Variants in ZFP92 observed in about 807,000 individuals in gnomAD.
The protein encoded by ZFP92 is ZFP92 zinc finger protein.
A neutral mutation model predicts 7.6 loss-of-function variants in ZFP92; 2 were observed. That is an observed-to-expected ratio of 0.26 (90% CI 0.11 to 0.83). The LOEUF is 0.83. Among genes scored for constraint, ZFP92 ranks in the 40% least tolerant of loss-of-function variants. The pLI, the probability that ZFP92 is intolerant of heterozygous loss-of-function variation, is 0.65. For synonymous variants in ZFP92, 226 were observed against 183.6 expected (o/e 1.23, Z -1.87); for missense variants, 324 against 408.3 (o/e 0.79, Z 1.78).
intron 2 of ZFP92, among the ~76,000 whole-genome samples, chrX:153,416,610 C>A (rs1220499926): frequency 9.0e-6 from 1 of 111,626 alleles, no homozygotes; most frequent in Non-Finnish European, 1.9e-5. Flanking sequence ...AGCTTGGAGA[C>A]CAACAAAATG....
rs1364003649 is a variant in ZFP92, at chrX:153,411,717, G to A, written c.-68+14G>A. Among the ~76,000 whole-genome samples the A allele has an allele frequency of 8.8e-6, 1 of 113,112 alleles. No individual in the cohort carries two copies. The highest frequency in any genetic ancestry group is 3.2e-5 in the African/African-American group (1 of 31,195). Reference sequence around the variant, plus strand: ...CGCCGAGCCCAGGTAAGAGGGCCGAGCTGGGCCGCAGGGGTGCGGGTAAGC... The same window carrying A: ...CGCCGAGCCCAGGTAAGAGGGCCGAACTGGGCCGCAGGGGTGCGGGTAAGC... On this transcript the variant is annotated intron_variant, in intron 1 of 5. Coordinates refer to ENST00000338647, the MANE Select transcript of ZFP92 (RefSeq NM_001136273.2).
In ZFP92 at chrX:153,411,489, T is replaced by C. The variant is rs1330951421; in HGVS notation, c.-282T>C. On this transcript the variant is annotated 5_prime_UTR_variant, in exon 1 of 6. Coordinates refer to ENST00000338647, the MANE Select transcript of ZFP92 (RefSeq NM_001136273.2). The stretch of plus-strand genomic sequence containing the variant: ...CCGGCCCCGCCCGCTCCCGGCCCGC[T>C]CGTCGGCGCACCAGACTGAGACTCC... 3.6e-5 allele frequency among the ~76,000 whole-genome samples: 4 copies of C among 109,702 alleles called. No homozygotes were observed. The highest frequency in any genetic ancestry group is 5.7e-5 in the Non-Finnish European group (3 of 52,190).
intron 5 of ZFP92, 129 bp from the exon 6 acceptor site, chrX:153,420,514 C>T (rs55880880): frequency 0.014 from 13,905 of 994,016 alleles, 109 homozygotes; most frequent in Middle Eastern, 0.054. Context: ...TTCATCTCTC[C>T]TGTCTGCCTG....
At position 153,418,771 on chromosome X, in the gene ZFP92, G is replaced by A; in HGVS notation, c.132G>A (p.Leu44=). The change falls in exon 4 of 6, where the codon CTG becomes CTA. Residue 44 remains leucine (L), a synonymous_variant. Coordinates refer to ENST00000338647, the MANE Select transcript of ZFP92 (RefSeq NM_001136273.2). The stretch of plus-strand genomic sequence containing the variant: ...AGGTCCTCTACAAGCGGGTGATGCT[G>A]GAGAACTATAGCCATTTGGTGTCAC... ...RQKVLYKRVM[L]ENYSHLVSLG... is the part of the protein sequence containing the mutation. The A allele has an allele frequency of 1.1e-5, 13 of 1,167,969 alleles. No individual in the cohort carries two copies. The highest frequency in any genetic ancestry group is 1.8e-5 in the African/African-American group (1 of 56,345).
chrX:153,417,604 G>C (rs1186252271), intron 2 of ZFP92, among the ~76,000 whole-genome samples: 1 of 112,146 alleles, frequency 8.9e-6, no homozygotes, highest in Non-Finnish European at 1.9e-5. Flanking sequence ...CACATGGGGA[G>C]AGAGCTAAGA....
At chrX:153,417,977 C>T (rs1287310285) in intron 2 of ZFP92, among the ~76,000 whole-genome samples, 2 of 112,126 alleles carry the variant, frequency 1.8e-5, no homozygotes, top group Non-Finnish European at 3.8e-5. Context: ...CTGGAAACCA[C>T]CAGAAGCCGA....
At position 153,420,664 on chromosome X, in the gene ZFP92, C is replaced by T. The variant is rs1556974727; in HGVS notation, c.287C>T (p.Thr96Met). Residue 96 changes from threonine to methionine, a missense_variant, in exon 6 of 6, where the codon ACG becomes ATG. Coordinates refer to ENST00000338647, the MANE Select transcript of ZFP92 (RefSeq NM_001136273.2). ...CCAGGTGACAGAACACAGAGCAAGACGTCGACTTCAACGCAGAAGCATTCT... is the reference window on the plus strand; with the variant it reads ...CCAGGTGACAGAACACAGAGCAAGATGTCGACTTCAACGCAGAAGCATTCT... ...LHIGDRTQSK[T>M]STSTQKHSGR... 6 of 1,115,399 alleles carry T rather than the reference C, an allele frequency of 5.4e-6. No homozygotes were observed. The highest frequency in any genetic ancestry group is 3.3e-5 in the East Asian group (1 of 30,342). The allele number at this position is 1,115,399 out of a possible 1,213,427, so 91.9% of individuals were successfully genotyped here.
At chrX:153,416,609 AC>A (rs1556973804) in intron 2 of ZFP92, among the ~76,000 whole-genome samples, 1 of 111,592 alleles carries the variant, frequency 9.0e-6, no homozygotes. Flanking sequence ...AAGCTTGGAG[AC>A]CAACAAAATG....
intron 2 of ZFP92, among the ~76,000 whole-genome samples, chrX:153,415,331 G>T (rs2088942831): frequency 8.9e-6 from 1 of 112,866 alleles, no homozygotes; most frequent in Non-Finnish European, 1.9e-5. Flanking sequence ...ATCACAAAAT[G>T]GAATCATACA....
intron 4 of ZFP92, among the ~76,000 whole-genome samples, chrX:153,419,726 T>C (rs1357435553): frequency 8.9e-6 from 1 of 112,687 alleles, no homozygotes; most frequent in Admixed American, 9.3e-5. Flanking sequence ...CTCTGTAATC[T>C]AGCCCCATAG....
intron 2 of ZFP92, among the ~76,000 whole-genome samples, chrX:153,412,770 T>A (rs1260899961): frequency 9.0e-6 from 1 of 110,897 alleles, no homozygotes; most frequent in African/African-American, 3.3e-5. Flanking sequence ...CAGGAAGGGT[T>A]GTGTGAGTTT....
rs1556976220 is a variant in ZFP92, at chrX:153,425,312, G to T, written c.*3684G>T. 1.8e-5 allele frequency: 2 copies of T among 112,075 alleles called. No individual in the cohort carries two copies. Among genetic ancestry groups the T allele is most frequent in the African/African-American group, 6.5e-5 (2 of 30,755 alleles). The allele number at this position is 112,075 out of a possible 1,213,427, so 9.2% of individuals were successfully genotyped here. A position where few individuals can be genotyped will look rare whatever the true frequency, so the allele number is the denominator to read the frequency against. ...GGAAGGGAGTCCTTGGCTGGGAAGT[G>T]CTTGGGTTCGGACAGACAGGGAAGA... On this transcript the variant is annotated 3_prime_UTR_variant, in exon 6 of 6. Coordinates refer to ENST00000338647, the MANE Select transcript of ZFP92 (RefSeq NM_001136273.2).
Position 153,420,270 on chromosome X carries a change from G to A in ZFP92, c.203G>A (p.Arg68Gln), listed in dbSNP as rs781949218. The stretch of plus-strand genomic sequence containing the variant: ...CCTCACCTGATCTCCCAATTGGAAC[G>A]AGGGGAAGGACCCTGGGTAGCAGAC... ...SKPHLISQLE[R>Q]GEGPWVADIP... Residue 68 changes from arginine to glutamine, a missense_variant, in exon 5 of 6, where the codon CGA becomes CAA. Coordinates refer to ENST00000338647, the MANE Select transcript of ZFP92 (RefSeq NM_001136273.2). The A allele has an allele frequency of 1.5e-5, 18 of 1,166,204 alleles. No homozygotes were observed. Among genetic ancestry groups the A allele is most frequent in the Admixed American group, 1.0e-4 (4 of 38,532 alleles).
chrX:153,419,634 G>T (rs1556974542), intron 4 of ZFP92, among the ~76,000 whole-genome samples: 1 of 112,420 alleles, frequency 8.9e-6, no homozygotes, highest in Non-Finnish European at 1.9e-5. Flanking sequence ...TCCCCTTGCC[G>T]CTGGAGGGGA....
rs2089023030 is a variant in ZFP92 at position 153,423,600 on chromosome X, C to T, written c.*1972C>T. 8.9e-6 allele frequency: 1 copy of T among 112,911 alleles called. No individual in the cohort carries two copies. Among genetic ancestry groups the T allele is most frequent in the Non-Finnish European group, 1.9e-5 (1 of 53,356 alleles). The allele number at this position is 112,911 out of a possible 1,213,427, so 9.3% of individuals were successfully genotyped here. A position where few individuals can be genotyped will look rare whatever the true frequency, so the allele number is the denominator to read the frequency against. ...ATGCCTGTCCCCATGTCCTTGATGC[C>T]AAGCCCGGTGCTGGTAATCAGTAAG... On this transcript the variant is annotated 3_prime_UTR_variant, in exon 6 of 6. Coordinates refer to ENST00000338647, the MANE Select transcript of ZFP92 (RefSeq NM_001136273.2).
intron 4 of ZFP92, among the ~76,000 whole-genome samples, chrX:153,419,322 C>G (rs782192968): frequency 8.9e-6 from 1 of 112,578 alleles, no homozygotes; most frequent in African/African-American, 3.2e-5. Context: ...CTGCTCTCCC[C>G]CTTCCATGCC....
At chrX:153,419,187 C>G (rs2088978419) in intron 4 of ZFP92, among the ~76,000 whole-genome samples, 1 of 112,983 alleles carries the variant, frequency 8.9e-6, no homozygotes, top group African/African-American at 3.2e-5. Context: ...ATCCGTTCCA[C>G]TTTGTAAAAT....
chrX:153,417,602 G>C (rs138599489), intron 2 of ZFP92, among the ~76,000 whole-genome samples: 1 of 112,176 alleles, frequency 8.9e-6, no homozygotes, highest in East Asian at 2.8e-4. Flanking sequence ...GCCACATGGG[G>C]AGAGAGCTAA....
chrX:153,425,270 G>C lies in ZFP92; in HGVS notation c.*3642G>C, dbSNP rs1556976215. On this transcript the variant is annotated 3_prime_UTR_variant, in exon 6 of 6. Transcript: ENST00000338647. ...GGAAGGGCAGCTCTGGAGACAGGAA[G>C]TGGAGGTAGAAGCAAAGGAAGGGAG... 8.9e-6 allele frequency: 1 copy of C among 112,580 alleles called. No individual in the cohort carries two copies. Among genetic ancestry groups the C allele is most frequent in the African/African-American group, 3.2e-5 (1 of 30,936 alleles). 9.3% of individuals were successfully genotyped at this position (112,580 alleles called of 1,213,427 possible).
Sources: gnomAD v4.1 joint callset for allele counts (sites outside exome capture counted in the v4.1 genomes callset) on GRCh38, gnomAD v4.1.1 for gene constraint, MANE v1.5 for transcripts, NCBI Gene and HGNC (gene_info 2026-07-23, HGNC 2026-07-21) for gene names.